The following VWC2 variants were observed in gnomAD, a reference collection of about 807,000 sequenced individuals.
VWC2 encodes brorin.
Under a neutral mutation model 29.8 loss-of-function variants are expected in VWC2, and 14 were observed. The ratio of observed to expected loss-of-function variants is 0.47; its 90% confidence interval spans 0.31 to 0.74. VWC2 has a LOEUF of 0.74. Among genes scored for constraint, VWC2 ranks in the 30% least tolerant of loss-of-function variants. The pLI, the probability that VWC2 is intolerant of heterozygous loss-of-function variation, is 0.05. For missense variants in VWC2, 457 were observed against 459.8 expected, an observed-to-expected ratio of 0.99 and a Z score of 0.05; for synonymous variants, 213 against 199.0, an observed-to-expected ratio of 1.07 and a Z score of -0.59.
chr7:49,819,297 A>G (rs1308239030), intron 3 of VWC2, among the ~76,000 whole-genome samples: 1 of 152,214 alleles, frequency 6.6e-6, no homozygotes, highest in East Asian at 1.9e-4. Context: ...CTCCTGCTTC[A>G]CAAGGTCTCA....
chr7:49,895,331 T>C (rs925312836), intron 3 of VWC2, among the ~76,000 whole-genome samples: 1 of 152,158 alleles, frequency 6.6e-6, no homozygotes, highest in African/African-American at 2.4e-5. Flanking sequence ...CTTAATACTA[T>C]CACATTGTTG....
chr7:49,805,972 T>C (rs1374425213), intron 3 of VWC2, among the ~76,000 whole-genome samples: 2 of 152,238 alleles, frequency 1.3e-5, no homozygotes, highest in Non-Finnish European at 2.9e-5. Flanking sequence ...GCCTTGAATA[T>C]AAATAAATGA....
At chr7:49,887,715 C>G (rs546037916) in intron 3 of VWC2, among the ~76,000 whole-genome samples, 2 of 150,112 alleles carry the variant, frequency 1.3e-5, no homozygotes, top group East Asian at 3.9e-4. Context: ...AGCTCAAATG[C>G]AAGTGTCTCC....
chr7:49,837,834 C>A (rs766475929), intron 3 of VWC2, among the ~76,000 whole-genome samples: 2 of 152,062 alleles, frequency 1.3e-5, no homozygotes, highest in African/African-American at 2.4e-5. Context: ...AGATGTGTTG[C>A]CTAGGAGGAG....
At chr7:49,803,714 T>C (rs564062092) in intron 3 of VWC2, among the ~76,000 whole-genome samples, 6 of 152,242 alleles carry the variant, frequency 3.9e-5, no homozygotes, top group African/African-American at 1.4e-4. Flanking sequence ...GATAGCTGTG[T>C]GGCATGGGTT....
At chr7:49,825,069 G>A (rs2128710158) in intron 3 of VWC2, among the ~76,000 whole-genome samples, 1 of 151,752 alleles carries the variant, frequency 6.6e-6, no homozygotes, top group Non-Finnish European at 1.5e-5. Flanking sequence ...TCTTTACATT[G>A]GATAATTTAT....
chr7:49,850,467 A>C (rs1158203911), intron 3 of VWC2: 1 of 152,198 alleles, frequency 6.6e-6, no homozygotes, highest in Non-Finnish European at 1.5e-5. Flanking sequence ...CTATGGAAGG[A>C]GTGGTAGCTT....
intron 3 of VWC2, among the ~76,000 whole-genome samples, chr7:49,822,590 C>A (rs1477193644): frequency 6.6e-6 from 1 of 152,170 alleles, no homozygotes; most frequent in Admixed American, 6.5e-5. Context: ...GGTCACCCAC[C>A]ACCACACCCA....
At chr7:49,899,588 T>C (rs1474879931) in intron 3 of VWC2, among the ~76,000 whole-genome samples, 1 of 152,000 alleles carries the variant, frequency 6.6e-6, no homozygotes, top group Non-Finnish European at 1.5e-5. Context: ...GGAGGTATTA[T>C]ATAATGATAA....
Position 49,914,799 on chromosome 7 carries a change from TAA to T in VWC2, c.*2615_*2616del, listed in dbSNP as rs1793630409. ...AACTGCCCAATAAAAAAGGAAAGTA[TAA>T]GTTACTCAATTTCAAAATAATATGG... is the stretch of plus-strand genomic sequence containing the variant. On this transcript the variant is annotated 3_prime_UTR_variant, in exon 4 of 4. Coordinates refer to ENST00000340652, the MANE Select transcript of VWC2 (RefSeq NM_198570.5). 6.6e-6 allele frequency: 1 copy of T among 152,178 alleles called. No homozygotes were observed. Among genetic ancestry groups the T allele is most frequent in the Non-Finnish European group, 1.5e-5 (1 of 68,026 alleles). 9.4% of individuals were successfully genotyped at this position (152,178 alleles called of 1,614,324 possible).
At chr7:49,911,419 T>A (rs989958723) in intron 3 of VWC2, among the ~76,000 whole-genome samples, 2 of 146,004 alleles carry the variant, frequency 1.4e-5, no homozygotes, top group Non-Finnish European at 3.0e-5. Flanking sequence ...GAGGCAGAGG[T>A]TGCAGTGAGC....
At chr7:49,816,144 A>G (rs1789137639) in intron 3 of VWC2, among the ~76,000 whole-genome samples, 1 of 152,184 alleles carries the variant, frequency 6.6e-6, no homozygotes, top group African/African-American at 2.4e-5. Flanking sequence ...AGAGTTGGAA[A>G]GTGTGAGGCA....
rs1793834684 is a variant in VWC2 at position 49,918,389 on chromosome 7, T to C, written c.*6204T>C. 6.6e-6 allele frequency: 1 copy of C among 152,192 alleles called. No individual in the cohort carries two copies. The highest frequency in any genetic ancestry group is 1.9e-4 in the East Asian group (1 of 5,198). The allele number at this position is 152,192 out of a possible 1,614,324, so 9.4% of individuals were successfully genotyped here. A position where few individuals can be genotyped will look rare whatever the true frequency, so the allele number is the denominator to read the frequency against. ...ACCCCACTCCCCATAAATAAGATAA[T>C]GAATAGCAACACTGATCCCTAATTC... On this transcript the variant is annotated 3_prime_UTR_variant, in exon 4 of 4. Coordinates refer to ENST00000340652, the MANE Select transcript of VWC2 (RefSeq NM_198570.5).
chr7:49,789,071 AGT>A (rs1161101374), intron 2 of VWC2, among the ~76,000 whole-genome samples: 10 of 126,402 alleles, frequency 7.9e-5, no homozygotes, highest in South Asian at 2.5e-4. Flanking sequence ...TGGGTGCGTG[AGT>A]GTGTGAGAGT....
At chr7:49,898,162 C>A (rs561404718) in intron 3 of VWC2, among the ~76,000 whole-genome samples, 22 of 151,572 alleles carry the variant, frequency 1.5e-4, no homozygotes, top group African/African-American at 5.1e-4. Context: ...TATGTGTATG[C>A]TTTATATGTG....
intron 2 of VWC2, among the ~76,000 whole-genome samples, chr7:49,783,002 T>A (rs971152449): frequency 3.9e-5 from 6 of 152,114 alleles, no homozygotes; most frequent in African/African-American, 1.4e-4. Context: ...TTCTGCAGAG[T>A]GTGCAGCTCA....
chr7:49,898,142 T>C (rs1792486728), intron 3 of VWC2, among the ~76,000 whole-genome samples: 1 of 152,114 alleles, frequency 6.6e-6, no homozygotes, highest in African/African-American at 2.4e-5. Flanking sequence ...TGTATGTGTG[T>C]GTGTATATAT....
chr7:49,815,653 C>T (rs1789124008), intron 3 of VWC2, among the ~76,000 whole-genome samples: 1 of 152,092 alleles, frequency 6.6e-6, no homozygotes, highest in Non-Finnish European at 1.5e-5. Context: ...ACTGAAGACC[C>T]TTGATGTGAA....
chr7:49,834,777 G>A (rs1789618350), intron 3 of VWC2, among the ~76,000 whole-genome samples: 1 of 152,206 alleles, frequency 6.6e-6, no homozygotes, highest in Non-Finnish European at 1.5e-5. Context: ...ACTGGCTGGA[G>A]GCCCCAAGGA....
Sources: allele counts gnomAD v4.1 joint callset (sites outside exome capture counted in the v4.1 genomes callset), GRCh38; gene constraint gnomAD v4.1.1; transcripts MANE v1.5; gene names NCBI Gene and HGNC (gene_info 2026-07-23, HGNC 2026-07-21).